The following HIF3A variants were observed in gnomAD, a reference collection of about 807,000 sequenced individuals.
The protein encoded by HIF3A is hypoxia-inducible factor 3-alpha.
A neutral mutation model predicts 67.2 loss-of-function variants in HIF3A; 41 were observed. That is an observed-to-expected ratio of 0.61 (90% CI 0.48 to 0.79). The LOEUF (loss-of-function observed/expected upper bound fraction) is 0.79, where lower values mean the gene tolerates loss of function less well. Ranked by LOEUF, HIF3A falls within the 30% of genes least tolerant of loss-of-function variation. The pLI is 0.00. For synonymous variants in HIF3A, 356 were observed against 374.8 expected, an observed-to-expected ratio of 0.95 and a Z score of 0.58; for missense variants, 855 against 898.0, an observed-to-expected ratio of 0.95 and a Z score of 0.61.
At chr19:46,312,983 C>T in intron 8 of HIF3A, 1 of 996,822 alleles carries the variant, frequency 1.0e-6, no homozygotes, top group Non-Finnish European at 1.2e-6. Flanking sequence ...GGCATGGTGG[C>T]TCATGCCTGT....
At position 46,309,239 on chromosome 19, in the gene HIF3A, A is replaced by G. The variant is rs1194976683; in HGVS notation, c.650A>G (p.Gln217Arg). ...AGSPDSEPPL[Q>R]CLVLICEAIP... is the part of the protein sequence containing the mutation. ...AGCCCTGACTCAGAGCCCCCGCTGC[A>G]GTGCCTGGTGCTCATCTGCGAAGCC... is the stretch of plus-strand genomic sequence containing the variant. The change falls in exon 6 of 15, where the codon CAG becomes CGG. Residue 217 changes from glutamine (Q) to arginine (R), a missense_variant. Physicochemically the swap from Gln to Arg is conservative, Grantham distance 43. Around this residue, in one of 3 missense-constraint regions of HIF3A, gnomAD observed 638 missense variants for 660.5 expected, o/e 0.97. Transcript: ENST00000377670. 1.9e-6 allele frequency: 3 copies of G among 1,614,030 alleles called. No homozygotes were observed. The South Asian group carries it at 3.3e-5, about 18-fold the overall frequency.
chr19:46,312,114 C>T (rs758909643), intron 6 of HIF3A, 47 bp from the exon 7 acceptor site: 3 of 1,404,128 alleles, frequency 2.1e-6, no homozygotes, highest in Non-Finnish European at 3.0e-6. Context: ...TACCCTCTCT[C>T]TCACCCAGTA....
intron 10 of HIF3A, among the ~76,000 whole-genome samples, chr19:46,323,708 A>C (rs1048736703): frequency 6.6e-6 from 1 of 152,130 alleles, no homozygotes; most frequent in Non-Finnish European, 1.5e-5. Flanking sequence ...TAATGGACTC[A>C]CGGTTCCACA....
At position 46,308,084 on chromosome 19, in the gene HIF3A, G is replaced by A. The variant is rs181259793; in HGVS notation, c.364-137G>A. ...TCAGTGGGTGGATGGATGGATGGAT[G>A]GACAAATGGATGGATAAATGAATGG... On this transcript the variant is annotated intron_variant, in intron 3 of 14. Coordinates refer to ENST00000377670, the MANE Select transcript of HIF3A (RefSeq NM_152795.4). 7.8e-4 allele frequency: 576 copies of A among 741,988 alleles called. 3 individuals carry two copies. In the East Asian group the frequency reaches 0.013, roughly 16 times the overall value. 46.0% of individuals were successfully genotyped at this position (741,988 alleles called of 1,614,324 possible).
intron 13 of HIF3A, among the ~76,000 whole-genome samples, chr19:46,333,402 T>C (rs111350662): frequency 0.018 from 2,814 of 152,212 alleles, 48 homozygotes; most frequent in African/African-American, 0.019. Context: ...GGGTGGTCAC[T>C]GGATCCTGCA....
At chr19:46,302,593 G>T (rs949000148) in intron 1 of HIF3A, among the ~76,000 whole-genome samples, 2 of 152,166 alleles carry the variant, frequency 1.3e-5, no homozygotes, top group African/African-American at 4.8e-5. Flanking sequence ...TATGAAAGAG[G>T]CCAGGCGTGG....
At chr19:46,301,088 A>G (rs1968289901) in intron 1 of HIF3A, among the ~76,000 whole-genome samples, 1 of 152,112 alleles carries the variant, frequency 6.6e-6, no homozygotes, top group Admixed American at 6.5e-5. Flanking sequence ...TCAGGCAGGC[A>G]GGACTGAGGC....
At chr19:46,334,322 C>T (rs994662676) in intron 13 of HIF3A, among the ~76,000 whole-genome samples, 5 of 151,338 alleles carry the variant, frequency 3.3e-5, no homozygotes, top group African/African-American at 1.2e-4. Context: ...GAACTCCTGA[C>T]CTCGAATGAT....
chr19:46,304,192 G>A, intron 2 of HIF3A, 104 bp downstream of exon 2: 2 of 1,032,852 alleles, frequency 1.9e-6, no homozygotes, highest in South Asian at 3.2e-5. Context: ...TTCTGACAAA[G>A]CCCCGCCCCC....
At chr19:46,303,358 C>T (rs563790559) in intron 1 of HIF3A, among the ~76,000 whole-genome samples, 2 of 152,250 alleles carry the variant, frequency 1.3e-5, no homozygotes, top group Admixed American at 1.3e-4. Context: ...CTCTTAGGGC[C>T]CCTGTTGGTG....
chr19:46,310,966 G>T (rs955848390), intron 6 of HIF3A, among the ~76,000 whole-genome samples: 6 of 152,196 alleles, frequency 3.9e-5, no homozygotes, highest in African/African-American at 1.4e-4. Flanking sequence ...GGTCAGTCTA[G>T]TCTTGAACTC....
chr19:46,314,111 G>C (rs548519807), intron 8 of HIF3A, among the ~76,000 whole-genome samples: 2 of 151,542 alleles, frequency 1.3e-5, no homozygotes, highest in South Asian at 2.1e-4. Flanking sequence ...AACAGCTACT[G>C]TAAACATTCT....
chr19:46,299,212 C>T (rs1968120448), intron 1 of HIF3A, among the ~76,000 whole-genome samples: 2 of 152,174 alleles, frequency 1.3e-5, no homozygotes, highest in South Asian at 4.1e-4. Flanking sequence ...GGCATGGGGC[C>T]AGCTGGGGCG....
chr19:46,341,619 A>C lies in HIF3A; in HGVS notation c.*1997A>C, dbSNP rs1157632047. On this transcript the variant is annotated 3_prime_UTR_variant, in exon 15 of 15. Coordinates refer to ENST00000377670, the MANE Select transcript of HIF3A (RefSeq NM_152795.4). ...CAAGTACAGAGAGTTTGATGTGTTT[A>C]TCTCTTTTTTCTTCCTCTTCTTTTT... 1.3e-5 allele frequency: 2 copies of C among 150,068 alleles called. No homozygotes were observed. Among genetic ancestry groups the C allele is most frequent in the South Asian group, 2.1e-4 (1 of 4,740 alleles). 9.3% of individuals were successfully genotyped at this position (150,068 alleles called of 1,614,324 possible). A position where few individuals can be genotyped will look rare whatever the true frequency, so the allele number is the denominator to read the frequency against.
At position 46,334,884 on chromosome 19, in the gene HIF3A, G is replaced by A. The variant is rs200997883; in HGVS notation, c.1831-21G>A. On this transcript the variant is annotated intron_variant, in intron 13 of 14. Transcript: ENST00000377670. ...TACTAATGATGATGATGATGGTGGT[G>A]GCTTTGTCTCTCTCCCACAGAGTTT... is the stretch of plus-strand genomic sequence containing the variant. The A allele has an allele frequency of 1.1e-5, 18 of 1,592,924 alleles. No individual in the cohort carries two copies. In the East Asian group the frequency reaches 3.4e-4, roughly 30 times the overall value.
In HIF3A at chr19:46,339,575, C is replaced by A; in HGVS notation, c.1963C>A (p.Pro655Thr). 1 of 1,609,458 alleles carries A rather than the reference C, an allele frequency of 6.2e-7. No homozygotes were observed. Among genetic ancestry groups the A allele is most frequent in the Non-Finnish European group, 8.5e-7 (1 of 1,177,236 alleles). ...SPYSDEDTTQ[P>T]GGPFQPRAGS... is the part of the protein sequence containing the mutation. ...GTACTCAGACGAGGACACTACCCAG[C>A]CCGGGGGCCCCTTCCAGCCAAGGGC... The change falls in exon 15 of 15, where the codon CCC (proline) becomes ACC (threonine). Residue 655 changes from proline to threonine, a missense_variant. Around this residue, in one of 3 missense-constraint regions of HIF3A, gnomAD observed 199 missense variants for 193.8 expected, o/e 1.03. Coordinates refer to ENST00000377670, the MANE Select transcript of HIF3A (RefSeq NM_152795.4).
At chr19:46,325,057 C>T (rs956441450) in intron 10 of HIF3A, among the ~76,000 whole-genome samples, 10 of 148,692 alleles carry the variant, frequency 6.7e-5, no homozygotes, top group African/African-American at 9.9e-5. Context: ...AGTGCGGTGG[C>T]ATGATCATAG....
intron 14 of HIF3A, among the ~76,000 whole-genome samples, chr19:46,335,356 G>A (rs1388792177): frequency 1.3e-5 from 2 of 151,714 alleles, no homozygotes; most frequent in African/African-American, 2.4e-5. Flanking sequence ...TGCAACCTCC[G>A]CCTCCCAGGT....
rs759807487 is a variant in HIF3A at position 46,304,082 on chromosome 19, G to A, written c.211G>A (p.Ala71Thr). ...CTACCTGCGCATGCACCGCCTCTGC[G>A]CCGCAGGTGAGCCCCGCCCGCGGGA... Reference protein sequence around the residue: ...ISYLRMHRLCAAGEWNQVGAG... With the variant: ...ISYLRMHRLCTAGEWNQVGAG... The change falls in exon 2 of 15, where the codon GCC becomes ACC. Residue 71 changes from alanine to threonine, a missense_variant. Physicochemically the swap from Ala to Thr is moderately conservative, Grantham distance 58. This residue lies in a region of HIF3A where 638 missense variants were observed against 660.5 expected (regional missense o/e 0.97). Coordinates refer to ENST00000377670, the MANE Select transcript of HIF3A (RefSeq NM_152795.4). 1.9e-6 allele frequency: 3 copies of A among 1,564,066 alleles called. No homozygotes were observed. Among genetic ancestry groups the A allele is most frequent in the Non-Finnish European group, 2.6e-6 (3 of 1,156,468 alleles).
Sources: allele counts gnomAD v4.1 joint callset (sites outside exome capture counted in the v4.1 genomes callset), GRCh38; gene constraint gnomAD v4.1.1; regional missense constraint gnomAD v4.1.1; transcripts MANE v1.5; gene names NCBI Gene and HGNC (gene_info 2026-07-23, HGNC 2026-07-21).